Variants in DNAAF1 observed in about 807,000 individuals in gnomAD.
DNAAF1 encodes the protein dynein axonemal assembly factor 1.
DNAAF1 carries 65 observed loss-of-function variants against 71.1 expected under a neutral mutation model. The observed-to-expected ratio is 0.91, with a 90% CI of 0.75 to 1.12. The LOEUF is 1.12. Ranked by LOEUF, DNAAF1 falls within the 50% of genes most tolerant of loss-of-function variation. The pLI is 0.00. For synonymous variants in DNAAF1, 414 were observed against 354.6 expected, an observed-to-expected ratio of 1.17 and a Z score of -1.88; for missense variants, 1,178 against 899.8, an observed-to-expected ratio of 1.31 and a Z score of -3.96.
At position 84,166,273 on chromosome 16, in the gene DNAAF1, G is replaced by A. The variant is rs1284669909; in HGVS notation, c.1030+324G>A. On this transcript the variant is annotated intron_variant, in intron 7 of 11. Coordinates refer to ENST00000378553, the MANE Select transcript of DNAAF1 (RefSeq NM_178452.6). ...TCGCCATGTTGTCCAGGCTCGTCTC[G>A]AACTCCTGGCTTCAAGTGATCTGCC... 2.6e-5 allele frequency among the ~76,000 whole-genome samples: 4 copies of A among 151,764 alleles called. No individual in the cohort carries two copies. The East Asian group carries it at 5.8e-4, about 22-fold the overall frequency.
At chr16:84,161,524 C>G (rs1414264635) in intron 6 of DNAAF1, among the ~76,000 whole-genome samples, 1 of 152,076 alleles carries the variant, frequency 6.6e-6, no homozygotes, top group East Asian at 1.9e-4. Flanking sequence ...ACCACCAAAC[C>G]CAGCTAATTT....
intron 9 of DNAAF1, chr16:84,173,457 C>G (rs1173797218): frequency 1.0e-6 from 1 of 979,040 alleles, no homozygotes; most frequent in Non-Finnish European, 1.2e-6. Context: ...GAGCGAGACT[C>G]CATCTCAAAA....
chr16:84,150,616 C>CTTTTTTTTT (rs754336069), intron 3 of DNAAF1, among the ~76,000 whole-genome samples: 3 of 130,354 alleles, frequency 2.3e-5, no homozygotes, highest in Non-Finnish European at 3.2e-5. Flanking sequence ...TCTTTTCTTT[C>CTTTTTTTTT]TTTTTTTTTT....
At position 84,169,849 on chromosome 16, in the gene DNAAF1, C is replaced by T. The variant is rs780951498; in HGVS notation, c.1031-10C>T. On this transcript the variant is annotated splice_polypyrimidine_tract_variant and intron_variant, in intron 7 of 11. Coordinates refer to ENST00000378553, the MANE Select transcript of DNAAF1 (RefSeq NM_178452.6). ...ACTCCCACATTCACCTTTGCATTTTCTGCCATTAGGGGAGATGACATCTTC... is the reference window on the plus strand; with the variant it reads ...ACTCCCACATTCACCTTTGCATTTTTTGCCATTAGGGGAGATGACATCTTC... The T allele has an allele frequency of 1.2e-6, 2 of 1,613,428 alleles. No homozygotes were observed. The highest frequency in any genetic ancestry group is 2.2e-5 in the East Asian group (1 of 44,890).
At chr16:84,151,853 C>G (rs2087201281) in intron 3 of DNAAF1, among the ~76,000 whole-genome samples, 1 of 152,214 alleles carries the variant, frequency 6.6e-6, no homozygotes. Flanking sequence ...ACCACATGAG[C>G]CTCCCCATGG....
At chr16:84,157,358 A>G (rs536341718) in intron 5 of DNAAF1, among the ~76,000 whole-genome samples, 1 of 151,974 alleles carries the variant, frequency 6.6e-6, no homozygotes, top group East Asian at 2.0e-4. Flanking sequence ...CCCCATCTCT[A>G]CTAACAATAC....
chr16:84,176,209 C>G lies in DNAAF1; in HGVS notation c.1975C>G (p.Leu659Val), dbSNP rs2288021. The change falls in exon 11 of 12, where the codon CTA becomes GTA. Residue 659 changes from leucine to valine, a missense_variant. Physicochemically the swap from Leu to Val is conservative, Grantham distance 32. Transcript: ENST00000378553. Reference protein sequence around the residue: ...ELSDEDPSGQLLMPPTCQRDA... With the variant: ...ELSDEDPSGQVLMPPTCQRDA... ...CAGCGACGAGGACCCCTCTGGCCAGCTACTGATGCCCCCCACCTGCCAAAG... is the reference window on the plus strand; with the variant it reads ...CAGCGACGAGGACCCCTCTGGCCAGGTACTGATGCCCCCCACCTGCCAAAG... The G allele has an allele frequency of 0.2, 327,289 of 1,613,716 alleles. 34,915 individuals are homozygous for G. The highest frequency in any genetic ancestry group is 0.28 in the Middle Eastern group (1,682 of 6,062).
chr16:84,163,383 C>CTTTCT (rs1555523538), intron 6 of DNAAF1, among the ~76,000 whole-genome samples: 1 of 135,550 alleles, frequency 7.4e-6, no homozygotes. Flanking sequence ...CTCTCTTTTT[C>CTTTCT]TTTTTTTTTT....
At chr16:84,174,933 G>A (rs1473074332) in intron 10 of DNAAF1, 5 of 565,052 alleles carry the variant, frequency 8.8e-6, no homozygotes, top group Non-Finnish European at 1.3e-5. Context: ...TTGGCTCACT[G>A]CAACCTCCAC....
chr16:84,150,228 T>C, intron 2 of DNAAF1, 23 bp from the exon 3 acceptor site: 2 of 1,564,162 alleles, frequency 1.3e-6, no homozygotes, highest in Non-Finnish European at 1.8e-6. Flanking sequence ...AATAAGCTTA[T>C]TCATATTTTT....
rs1345037006 is a variant in DNAAF1 at position 84,176,296 on chromosome 16, C to G, written c.2062C>G (p.Pro688Ala). ...CAGCGACTTCCTTGCAGCCTCTTCT[C>G]CGGGTAAGAGCGTGGGGCCGAGAGC... ...RDSDFLAASSPVPTESAATPP... is the reference protein window; with the variant it reads ...RDSDFLAASSAVPTESAATPP... The change falls in exon 11 of 12, where the codon CCG becomes GCG. Residue 688 changes from proline to alanine, a missense_variant. Transcript: ENST00000378553. The G allele has an allele frequency of 6.2e-6, 10 of 1,613,284 alleles. No homozygotes were observed. The highest frequency in any genetic ancestry group is 8.5e-6 in the Non-Finnish European group (10 of 1,179,950).
In DNAAF1 at chr16:84,146,722, G is replaced by T. The variant is rs2086930780; in HGVS notation, c.124+1158G>T. 4.0e-5 allele frequency among the ~76,000 whole-genome samples: 6 copies of T among 151,878 alleles called. No individual in the cohort carries two copies. The South Asian group carries it at 1.3e-3, about 32-fold the overall frequency. ...ATCACACCACTGCACCCCAGCCTGGGCAATGGAGCAAGACTCCGTCTCAAA... is the reference window on the plus strand; with the variant it reads ...ATCACACCACTGCACCCCAGCCTGGTCAATGGAGCAAGACTCCGTCTCAAA... On this transcript the variant is annotated intron_variant, in intron 1 of 11. Transcript: ENST00000378553.
Position 84,148,596 on chromosome 16 carries a change from C to CTTTTTT in DNAAF1, c.125-398_125-393dup, listed in dbSNP as rs765676142. Among the ~76,000 whole-genome samples, 155 of 43,570 alleles carry CTTTTTT rather than the reference C, an allele frequency of 3.6e-3. 29 individuals are homozygous for CTTTTTT. The highest frequency in any genetic ancestry group is 9.5e-3 in the African/African-American group (103 of 10,860). 28.6% of individuals were successfully genotyped at this position (43,570 alleles called of 152,430 possible). A position where few individuals can be genotyped will look rare whatever the true frequency, so the allele number is the denominator to read the frequency against. On this transcript the variant is annotated intron_variant, in intron 1 of 11. Coordinates refer to ENST00000378553, the MANE Select transcript of DNAAF1 (RefSeq NM_178452.6). ...AAAGATTACTGTTCTCTCTCTCTCT[C>CTTTTTT]TTTTTTTTTTTTTTTTTTGGTGAGA...
In DNAAF1 at chr16:84,161,928, G is replaced by A. The variant is rs118017623; in HGVS notation, c.863+2132G>A. Reference sequence around the variant, plus strand: ...CGACTAAAAGGGCTCCTCTAACAGAGATCAGCTCTTACATTCACTGCTGGG... The same window carrying A: ...CGACTAAAAGGGCTCCTCTAACAGAAATCAGCTCTTACATTCACTGCTGGG... On this transcript the variant is annotated intron_variant, in intron 6 of 11. Coordinates refer to ENST00000378553, the MANE Select transcript of DNAAF1 (RefSeq NM_178452.6). Among the ~76,000 whole-genome samples the A allele has an allele frequency of 6.1e-3, 922 of 152,214 alleles. 7 individuals carry two copies. Among genetic ancestry groups the A allele is most frequent in the Non-Finnish European group, 0.01 (699 of 68,000 alleles).
At chr16:84,163,435 C>T (rs982667928) in intron 6 of DNAAF1, among the ~76,000 whole-genome samples, 16 of 149,874 alleles carry the variant, frequency 1.1e-4, no homozygotes, top group African/African-American at 3.7e-4. Context: ...GGCAGGAGTG[C>T]AGTGGTGAGA....
intron 11 of DNAAF1, chr16:84,177,471 G>A (rs570670480): frequency 2.9e-5 from 12 of 408,970 alleles, no homozygotes; most frequent in South Asian, 2.0e-4. Context: ...TGGTATTATA[G>A]GGGCCTGCCA....
chr16:84,165,861 G>A lies in DNAAF1; in HGVS notation c.942G>A (p.Arg314=), dbSNP rs757497116. Reference sequence around the variant, plus strand: ...GACAGCAGTGGGAGAGCAGGGAGCGGAAGAAGATCACAGACAGCATTGAAG... The same window carrying A: ...GACAGCAGTGGGAGAGCAGGGAGCGAAAGAAGATCACAGACAGCATTGAAG... ...EERQQWESRE[R]KKITDSIEAL... is the part of the protein sequence containing the mutation. The change falls in exon 7 of 12, where the codon CGG becomes CGA. Residue 314 remains arginine (R), a synonymous_variant. Transcript: ENST00000378553. 1.9e-6 allele frequency: 3 copies of A among 1,613,314 alleles called. No homozygotes were observed. The highest frequency in any genetic ancestry group is 1.7e-6 in the Non-Finnish European group (2 of 1,179,916).
chr16:84,175,271 A>G (rs749629892), intron 10 of DNAAF1: 9 of 206,282 alleles, frequency 4.4e-5, no homozygotes, highest in Non-Finnish European at 8.0e-5. Flanking sequence ...ACAGCTGAGT[A>G]CAGTGCATAG....
At chr16:84,176,464 C>T (rs552316842) in intron 11 of DNAAF1, 165 bp downstream of exon 11, 15 of 1,140,560 alleles carry the variant, frequency 1.3e-5, no homozygotes, top group Admixed American at 4.1e-5. Flanking sequence ...CCTGAGTTCA[C>T]GGGTCTGAAG....
Sources: allele counts gnomAD v4.1 joint callset (sites outside exome capture counted in the v4.1 genomes callset), GRCh38; gene constraint gnomAD v4.1.1; transcripts MANE v1.5; gene names NCBI Gene and HGNC (gene_info 2026-07-23, HGNC 2026-07-21).